The following CDC14B variants were observed in gnomAD, a reference collection of about 807,000 sequenced individuals.
CDC14B encodes the protein cell division cycle 14B.
Under a neutral mutation model 64.2 loss-of-function variants are expected in CDC14B, and 22 were observed. The observed-to-expected ratio is 0.34, with a 90% CI of 0.24 to 0.49. The LOEUF (loss-of-function observed/expected upper bound fraction) is 0.49, where lower values mean the gene tolerates loss of function less well. Ranked by LOEUF, CDC14B falls within the 20% of genes least tolerant of loss-of-function variation. The probability of loss-of-function intolerance (pLI) is 0.99; values close to 1 mark genes in which losing one functional copy is unlikely to be tolerated. For missense variants in CDC14B, 498 were observed against 629.9 expected (o/e 0.79, Z 2.24); for synonymous variants, 191 against 215.8 (o/e 0.89, Z 1.01).
chr9:96,575,577 A>G (rs909045280), intron 1 of CDC14B, among the ~76,000 whole-genome samples: 21 of 152,240 alleles, frequency 1.4e-4, no homozygotes, highest in Non-Finnish European at 3.1e-4. Context: ...CCCAATAGCA[A>G]GAAGATATAT....
chr9:96,574,293 G>A (rs543789331), intron 1 of CDC14B, among the ~76,000 whole-genome samples: 1 of 152,220 alleles, frequency 6.6e-6, no homozygotes, highest in South Asian at 2.1e-4. Context: ...CATCTCATAT[G>A]ACATTAGGGA....
intron 4 of CDC14B, among the ~76,000 whole-genome samples, chr9:96,561,080 G>C (rs1201276832): frequency 1.3e-5 from 2 of 152,064 alleles, no homozygotes; most frequent in Admixed American, 1.3e-4. Context: ...GGGACTACAG[G>C]CATGTGCCAC....
intron 1 of CDC14B, 53 bp downstream of exon 1, chr9:96,619,166 C>T (rs914002627): frequency 1.6e-6 from 2 of 1,213,648 alleles, no homozygotes; most frequent in Non-Finnish European, 1.0e-6. Context: ...GGCCAGGGCC[C>T]CGCGCCGGGT....
At chr9:96,544,118 G>A (rs532640390) in intron 5 of CDC14B, among the ~76,000 whole-genome samples, 1 of 152,242 alleles carries the variant, frequency 6.6e-6, no homozygotes, top group East Asian at 1.9e-4. Context: ...CCGGGAGGCT[G>A]AGGAAGGAGA....
rs751087512 is a variant in CDC14B, at chr9:96,534,000, A to T, written c.873T>A (p.Pro291=). The change falls in exon 9 of 14, where the codon CCT becomes CCA. Residue 291 remains proline (P), a synonymous_variant. Transcript: ENST00000375241. ...GGAATTCTTTGACAATGGCATCAGT[A>T]GGGGTGCTGCCATCCGCAAAGAAAA... ...HDLFFADGST[P]TDAIVKEFLD... is the part of the protein sequence containing the mutation. The T allele has an allele frequency of 3.1e-6, 5 of 1,613,016 alleles. No homozygotes were observed. The highest frequency in any genetic ancestry group is 4.2e-6 in the Non-Finnish European group (5 of 1,179,366).
chr9:96,585,170 T>C (rs895316798), intron 1 of CDC14B, among the ~76,000 whole-genome samples: 3 of 152,064 alleles, frequency 2.0e-5, no homozygotes, highest in African/African-American at 7.2e-5. Context: ...AATTGCACTG[T>C]TGTTGTTTAT....
intron 11 of CDC14B, 54 bp from the exon 12 acceptor site, chr9:96,522,657 A>G (rs1220756640): frequency 9.2e-7 from 1 of 1,085,256 alleles, no homozygotes; most frequent in Non-Finnish European, 1.4e-6. Context: ...TTATTAATGC[A>G]GTACAGCAGA....
chr9:96,598,495 C>T (rs371469097), intron 1 of CDC14B, among the ~76,000 whole-genome samples: 10 of 152,150 alleles, frequency 6.6e-5, no homozygotes, highest in African/African-American at 2.4e-4. Context: ...TGCCACTACA[C>T]CCAGCTAATT....
chr9:96,601,882 A>C (rs1456594740), intron 1 of CDC14B, among the ~76,000 whole-genome samples: 1 of 151,126 alleles, frequency 6.6e-6, no homozygotes, highest in African/African-American at 2.4e-5. Context: ...ACACAGTGAA[A>C]TCCCATCTCC....
At chr9:96,538,255 C>A (rs139945897) in intron 7 of CDC14B, among the ~76,000 whole-genome samples, 1 of 152,126 alleles carries the variant, frequency 6.6e-6, no homozygotes, top group Non-Finnish European at 1.5e-5. Context: ...AAAGAACACA[C>A]GGGGCACACT....
chr9:96,513,305 G>A (rs1041138773), intron 12 of CDC14B, among the ~76,000 whole-genome samples: 3 of 152,100 alleles, frequency 2.0e-5, no homozygotes, highest in Non-Finnish European at 4.4e-5. Flanking sequence ...ATGAAATCGG[G>A]GTTGGGGGAG....
At chr9:96,513,725 G>A (rs1364362835) in intron 12 of CDC14B, among the ~76,000 whole-genome samples, 2 of 152,150 alleles carry the variant, frequency 1.3e-5, no homozygotes, top group African/African-American at 4.8e-5. Flanking sequence ...GTCCACTCCG[G>A]ACACCACAAG....
chr9:96,561,619 C>T (rs1306977202), intron 4 of CDC14B, among the ~76,000 whole-genome samples: 4 of 151,996 alleles, frequency 2.6e-5, no homozygotes. Flanking sequence ...GCTGGGACTA[C>T]AGGCGCCCGC....
chr9:96,580,708 T>C (rs992573727), intron 1 of CDC14B, among the ~76,000 whole-genome samples: 2 of 152,166 alleles, frequency 1.3e-5, no homozygotes, highest in Non-Finnish European at 2.9e-5. Flanking sequence ...GTGTTCACTA[T>C]AGCAGTGTCT....
chr9:96,612,582 G>GC (rs1847389885), intron 1 of CDC14B, among the ~76,000 whole-genome samples: 1 of 152,224 alleles, frequency 6.6e-6, no homozygotes, highest in African/African-American at 2.4e-5. Context: ...CTCATGCCTA[G>GC]TGGCTAGCTT....
intron 1 of CDC14B, among the ~76,000 whole-genome samples, chr9:96,612,678 G>A (rs1469010776): frequency 6.6e-6 from 1 of 152,130 alleles, no homozygotes; most frequent in Non-Finnish European, 1.5e-5. Flanking sequence ...ATGCGATATG[G>A]TTACTCTATA....
intron 1 of CDC14B, chr9:96,566,890 A>T: frequency 6.4e-7 from 1 of 1,552,676 alleles, no homozygotes; most frequent in Non-Finnish European, 8.7e-7. Context: ...CCGCGACCAC[A>T]CCCCCGAAGT....
intron 1 of CDC14B, among the ~76,000 whole-genome samples, chr9:96,593,210 C>T (rs1370222004): frequency 6.6e-6 from 1 of 152,076 alleles, no homozygotes; most frequent in Non-Finnish European, 1.5e-5. Flanking sequence ...ATACTATAGC[C>T]AGGTGTGGTG....
intron 7 of CDC14B, among the ~76,000 whole-genome samples, chr9:96,537,126 C>CA (rs1402702982): frequency 2.0e-5 from 3 of 151,644 alleles, no homozygotes; most frequent in African/African-American, 4.8e-5. Context: ...CCCATCTCTA[C>CA]AAAAAAATTA....
Sources: allele counts gnomAD v4.1 joint callset (sites outside exome capture counted in the v4.1 genomes callset), GRCh38; gene constraint gnomAD v4.1.1; transcripts MANE v1.5; gene names NCBI Gene and HGNC (gene_info 2026-07-23, HGNC 2026-07-21).